Variants in COBL observed in about 807,000 individuals in gnomAD.
The protein encoded by COBL is cordon-bleu WH2 repeat protein.
COBL carries 51 observed loss-of-function variants against 98.8 expected under a neutral mutation model. The ratio of observed to expected loss-of-function variants is 0.52; its 90% CI spans 0.41 to 0.65. The LOEUF (loss-of-function observed/expected upper bound fraction) is 0.65. COBL is among the 30% of genes least tolerant of loss of function. The pLI is 0.00. For synonymous variants in COBL, 634 were observed against 651.7 expected (o/e 0.97, Z 0.41); for missense variants, 1,617 against 1,617.5 (o/e 1.00, Z 0.01).
intron 6 of COBL, among the ~76,000 whole-genome samples, chr7:51,133,529 G>A (rs1181142337): frequency 6.6e-6 from 1 of 152,186 alleles, no homozygotes; most frequent in Non-Finnish European, 1.5e-5. Flanking sequence ...CAGACCTACT[G>A]AATCAGCGCT....
chr7:51,236,353 A>AC (rs1338864536), intron 1 of COBL, among the ~76,000 whole-genome samples: 8 of 152,120 alleles, frequency 5.3e-5, no homozygotes, highest in African/African-American at 1.9e-4. Flanking sequence ...GGAAGAGACA[A>AC]TTTTTCCAGG....
chr7:51,315,713 CG>C (rs1803498873), intron 1 of COBL, among the ~76,000 whole-genome samples: 1 of 152,202 alleles, frequency 6.6e-6, no homozygotes, highest in African/African-American at 2.4e-5. Context: ...CACCGCTGGC[CG>C]GGATGAGCAC....
At chr7:51,223,013 GCACA>G (rs1482471779) in intron 1 of COBL, among the ~76,000 whole-genome samples, 1 of 152,178 alleles carries the variant, frequency 6.6e-6, no homozygotes, top group Non-Finnish European at 1.5e-5. Context: ...CATCTCTACA[GCACA>G]CACAAAGGTG....
intron 2 of COBL, among the ~76,000 whole-genome samples, chr7:51,218,548 A>G (rs1437554470): frequency 6.6e-6 from 1 of 152,216 alleles, no homozygotes; most frequent in Non-Finnish European, 1.5e-5. Context: ...ATCTCGGTTC[A>G]CTGCAACCTC....
At chr7:51,191,544 T>G (rs1298538895) in intron 3 of COBL, among the ~76,000 whole-genome samples, 1 of 149,560 alleles carries the variant, frequency 6.7e-6, no homozygotes, top group African/African-American at 2.5e-5. Flanking sequence ...TGTACATAGA[T>G]ATATATATAT....
At chr7:51,312,965 G>A (rs1486732078) in intron 1 of COBL, among the ~76,000 whole-genome samples, 1 of 152,028 alleles carries the variant, frequency 6.6e-6, no homozygotes, top group Admixed American at 6.6e-5. Flanking sequence ...TAATTTATTA[G>A]TAAATATTTT....
intron 1 of COBL, among the ~76,000 whole-genome samples, chr7:51,237,948 G>T (rs920855861): frequency 2.0e-5 from 3 of 152,170 alleles, no homozygotes; most frequent in Admixed American, 1.3e-4. Context: ...GATGTCACAG[G>T]TGGCTCTGTT....
intron 8 of COBL, among the ~76,000 whole-genome samples, chr7:51,038,424 G>A (rs1396201567): frequency 6.6e-6 from 1 of 152,214 alleles, no homozygotes; most frequent in Non-Finnish European, 1.5e-5. Context: ...CAGAGCTCTT[G>A]AGGAAATGGT....
chr7:51,029,585 T>G lies in COBL; in HGVS notation c.1511A>C (p.Glu504Ala). ...AELDEDLEEM[E>A]DSYETDTSSL... is the part of the protein sequence containing the mutation. ...GCTGGTGTCTGTTTCATAGCTGTCT[T>G]CCATTTCTGCAAAGAGGGACAAACA... Residue 504 changes from glutamate to alanine, a missense_variant, in exon 10 of 13, where the codon GAA becomes GCA. Around this residue, in one of 3 missense-constraint regions of COBL, gnomAD observed 1,304 missense variants for 1,282.0 expected, o/e 1.02. Transcript: ENST00000265136. 1 of 1,586,848 alleles carries G rather than the reference T, an allele frequency of 6.3e-7. No homozygotes were observed. Among genetic ancestry groups the G allele is most frequent in the South Asian group, 1.1e-5 (1 of 88,840 alleles).
chr7:51,082,959 C>T (rs991542482), intron 7 of COBL: 1 of 1,149,144 alleles, frequency 8.7e-7, no homozygotes, highest in Non-Finnish European at 1.3e-6. Context: ...CACACACATC[C>T]AAAGACAAGA....
intron 1 of COBL, among the ~76,000 whole-genome samples, chr7:51,280,709 C>T (rs1001544499): frequency 1.3e-5 from 2 of 152,174 alleles, no homozygotes; most frequent in African/African-American, 2.4e-5. Flanking sequence ...GGTGCGTCCC[C>T]AAACTGCACA....
chr7:51,180,025 A>G (rs888793998), intron 5 of COBL, among the ~76,000 whole-genome samples: 6 of 152,240 alleles, frequency 3.9e-5, no homozygotes, highest in African/African-American at 1.4e-4. Context: ...GCAAACTGAG[A>G]CATTTATCTT....
At chr7:51,275,337 T>A (rs1318865892) in intron 1 of COBL, among the ~76,000 whole-genome samples, 1 of 152,208 alleles carries the variant, frequency 6.6e-6, no homozygotes, top group African/African-American at 2.4e-5. Flanking sequence ...CCTGGTTTTT[T>A]CCCTCTGCCA....
At chr7:51,187,331 TACACAC>T (rs1303777271) in intron 4 of COBL, among the ~76,000 whole-genome samples, 43 of 101,452 alleles carry the variant, frequency 4.2e-4, no homozygotes, top group African/African-American at 1.2e-3. Flanking sequence ...TATATATATA[TACACAC>T]ACACACACAC....
chr7:51,056,399 G>A (rs1583631664), intron 7 of COBL, among the ~76,000 whole-genome samples: 1 of 151,982 alleles, frequency 6.6e-6, no homozygotes, highest in Non-Finnish European at 1.5e-5. Context: ...AGAGGTGCCT[G>A]TATCGTCACC....
At chr7:51,041,294 A>C (rs1382043821) in intron 8 of COBL, among the ~76,000 whole-genome samples, 2 of 152,130 alleles carry the variant, frequency 1.3e-5, no homozygotes, top group Non-Finnish European at 2.9e-5. Context: ...CTCATGACAA[A>C]CTGTTAGGTA....
rs1296568211 is a variant in COBL at position 51,029,039 on chromosome 7, G to A, written c.2057C>T (p.Thr686Ile). 22 of 1,614,092 alleles carry A rather than the reference G, an allele frequency of 1.4e-5. No individual in the cohort carries two copies. The highest frequency in any genetic ancestry group is 1.7e-5 in the Non-Finnish European group (20 of 1,180,056). Reference protein sequence around the residue: ...SNDKNAALAPTSWHQRGQNPG... With the variant: ...SNDKNAALAPISWHQRGQNPG... Reference sequence around the variant, plus strand: ...GTTTTGGCCTCGTTGGTGCCATGATGTTGGTGCCAAGGCAGCGTTTTTATC... The same window carrying A: ...GTTTTGGCCTCGTTGGTGCCATGATATTGGTGCCAAGGCAGCGTTTTTATC... Residue 686 changes from threonine to isoleucine, a missense_variant, in exon 10 of 13, where the codon ACA (threonine) becomes ATA (isoleucine). Physicochemically the swap from Thr to Ile is moderately conservative, Grantham distance 89. Transcript: ENST00000265136.
chr7:51,106,787 T>C (rs1796315152), intron 6 of COBL, among the ~76,000 whole-genome samples: 1 of 152,178 alleles, frequency 6.6e-6, no homozygotes, highest in South Asian at 2.1e-4. Flanking sequence ...TCTATCATCA[T>C]CATTCTTGTT....
chr7:51,153,447 T>C (rs1364980376), intron 5 of COBL, among the ~76,000 whole-genome samples: 1 of 152,242 alleles, frequency 6.6e-6, no homozygotes, highest in Non-Finnish European at 1.5e-5. Flanking sequence ...TCATTCCTAA[T>C]GCATTTGTAT....
Sources: gnomAD v4.1 joint callset for allele counts (sites outside exome capture counted in the v4.1 genomes callset) on GRCh38, gnomAD v4.1.1 for gene constraint, gnomAD v4.1.1 regional missense constraint, MANE v1.5 for transcripts, NCBI Gene and HGNC (gene_info 2026-07-23, HGNC 2026-07-21) for gene names.